FOXN3: variants seen among roughly 807,000 people sequenced by gnomAD.
The protein encoded by FOXN3 is forkhead box N3.
In FOXN3, 7 loss-of-function variants were observed where a neutral mutation model predicts 38.4. The ratio of observed to expected loss-of-function variants is 0.18; its 90% CI spans 0.10 to 0.34. The LOEUF (loss-of-function observed/expected upper bound fraction) is 0.34. FOXN3 is among the 10% of genes least tolerant of loss of function. The probability of loss-of-function intolerance (pLI) is 1.00; values close to 1 mark genes in which losing one functional copy is unlikely to be tolerated. For synonymous variants in FOXN3, 230 were observed against 242.2 expected, an observed-to-expected ratio of 0.95 and a Z score of 0.47; for missense variants, 456 against 613.4, an observed-to-expected ratio of 0.74 and a Z score of 2.71.
chr14:89,193,245 C>G (rs922484738), intron 4 of FOXN3, among the ~76,000 whole-genome samples: 1 of 148,918 alleles, frequency 6.7e-6, no homozygotes, highest in Non-Finnish European at 1.5e-5. Flanking sequence ...GGGCCCAGAA[C>G]AAGAAGAAAC....
chr14:89,261,520 GCA>G (rs2139892328), intron 4 of FOXN3, among the ~76,000 whole-genome samples: 1 of 152,280 alleles, frequency 6.6e-6, no homozygotes, highest in South Asian at 2.1e-4. Context: ...AGGGCCGGCG[GCA>G]GTGACTCACG....
intron 4 of FOXN3, among the ~76,000 whole-genome samples, chr14:89,256,444 A>T (rs1885623772): frequency 6.6e-6 from 1 of 152,208 alleles, no homozygotes; most frequent in African/African-American, 2.4e-5. Flanking sequence ...CAAGGCCAGG[A>T]CAAACAGGCT....
At chr14:89,250,563 T>G (rs1273295675) in intron 4 of FOXN3, among the ~76,000 whole-genome samples, 1 of 152,204 alleles carries the variant, frequency 6.6e-6, no homozygotes, top group East Asian at 1.9e-4. Flanking sequence ...CCAACTCACA[T>G]ATGTTACAGA....
rs78179114 is a variant in FOXN3 at position 89,488,764 on chromosome 14, A to C, written c.-14-76274T>G. Reference sequence around the variant, plus strand: ...GGAAGAACACACACACAAAATTTTAAAGTAGGTACAAGAATCTGGAAGTCA... The same window carrying C: ...GGAAGAACACACACACAAAATTTTACAGTAGGTACAAGAATCTGGAAGTCA... On this transcript the variant is annotated intron_variant, in intron 1 of 6. Coordinates refer to the FOXN3 transcript ENST00000345097. Among the ~76,000 whole-genome samples the C allele has an allele frequency of 4.6e-5, 7 of 152,310 alleles. No homozygotes were observed. The East Asian group carries it at 1.4e-3, about 29-fold the overall frequency.
At chr14:89,575,934 C>T (rs1010416718) in intron 1 of FOXN3, among the ~76,000 whole-genome samples, 1 of 152,156 alleles carries the variant, frequency 6.6e-6, no homozygotes, top group Non-Finnish European at 1.5e-5. Context: ...TATGCCCCAC[C>T]GATAAACTCC....
chr14:89,528,057 T>C (rs1475739449), intron 1 of FOXN3, among the ~76,000 whole-genome samples: 1 of 152,182 alleles, frequency 6.6e-6, no homozygotes, highest in Non-Finnish European at 1.5e-5. Context: ...TCTCATACCC[T>C]GCTGGTAGAA....
At chr14:89,514,924 C>CTT (rs540052278) in intron 1 of FOXN3, among the ~76,000 whole-genome samples, 1 of 145,192 alleles carries the variant, frequency 6.9e-6, no homozygotes, top group Non-Finnish European at 1.5e-5. Flanking sequence ...GCTCCATTTC[C>CTT]TTTTTTTTTT....
At chr14:89,508,927 A>C (rs1335919373) in intron 1 of FOXN3, among the ~76,000 whole-genome samples, 1 of 152,178 alleles carries the variant, frequency 6.6e-6, no homozygotes, top group Non-Finnish European at 1.5e-5. Flanking sequence ...GCATGTGGCA[A>C]AGAATAAAAC....
intron 1 of FOXN3, among the ~76,000 whole-genome samples, chr14:89,592,141 A>C (rs1344956223): frequency 6.6e-6 from 1 of 152,232 alleles, no homozygotes; most frequent in Non-Finnish European, 1.5e-5. Context: ...ATTTGAAATT[A>C]AAGTGATGGA....
At chr14:89,583,383 C>G (rs187301179) in intron 1 of FOXN3, among the ~76,000 whole-genome samples, 1 of 152,266 alleles carries the variant, frequency 6.6e-6, no homozygotes, top group East Asian at 1.9e-4. Context: ...TAGGTTCTCT[C>G]TCTCCTGCTC....
At chr14:89,197,845 C>T (rs896494892) in intron 4 of FOXN3, among the ~76,000 whole-genome samples, 3 of 152,194 alleles carry the variant, frequency 2.0e-5, no homozygotes, top group Admixed American at 2.0e-4. Context: ...GAACGGCTGT[C>T]GCAGTAAATG....
chr14:89,511,189 C>A (rs58120979), intron 1 of FOXN3, among the ~76,000 whole-genome samples: 1 of 14,224 alleles, frequency 7.0e-5, no homozygotes, highest in East Asian at 6.6e-4. Context: ...TTCTTTCTTT[C>A]TTTTCTTTCT....
intron 5 of FOXN3, among the ~76,000 whole-genome samples, chr14:89,168,030 T>C (rs1359809877): frequency 6.6e-6 from 1 of 152,150 alleles, no homozygotes. Context: ...TGAAAGAACA[T>C]ACTTTAAACC....
intron 3 of FOXN3, among the ~76,000 whole-genome samples, chr14:89,283,874 G>T (rs1157538231): frequency 2.6e-5 from 4 of 152,022 alleles, no homozygotes; most frequent in East Asian, 3.9e-4. Context: ...TTTTTGGGGG[G>T]TTTTTTGACA....
chr14:89,284,813 T>G (rs1886569673), intron 3 of FOXN3, among the ~76,000 whole-genome samples: 1 of 152,156 alleles, frequency 6.6e-6, no homozygotes, highest in Non-Finnish European at 1.5e-5. Flanking sequence ...TTGAGAACAT[T>G]GATCCAGCTG....
At chr14:89,478,438 T>C (rs1432929206) in intron 1 of FOXN3, among the ~76,000 whole-genome samples, 2 of 152,252 alleles carry the variant, frequency 1.3e-5, no homozygotes, top group African/African-American at 4.8e-5. Context: ...ATTCATCTTA[T>C]CTTTCAGTAC....
intron 1 of FOXN3, among the ~76,000 whole-genome samples, chr14:89,485,400 T>C (rs1893426590): frequency 1.3e-5 from 2 of 152,296 alleles, no homozygotes; most frequent in Admixed American, 6.5e-5. Flanking sequence ...TCTTAACTTA[T>C]GCTTCCTCCC....
chr14:89,349,005 G>C (rs963785956), intron 3 of FOXN3, among the ~76,000 whole-genome samples: 2 of 152,168 alleles, frequency 1.3e-5, no homozygotes, highest in Non-Finnish European at 2.9e-5. Context: ...TAGAAGCAAA[G>C]GGAGATGAAA....
chr14:89,399,010 G>C (rs1596252120), intron 2 of FOXN3, among the ~76,000 whole-genome samples: 1 of 152,134 alleles, frequency 6.6e-6, no homozygotes, highest in Non-Finnish European at 1.5e-5. Context: ...TCAATAAAAT[G>C]GTCTTCAAAT....
Sources: allele counts gnomAD v4.1 joint callset (sites outside exome capture counted in the v4.1 genomes callset), GRCh38; gene constraint gnomAD v4.1.1; transcripts MANE v1.5; gene names NCBI Gene and HGNC (gene_info 2026-07-23, HGNC 2026-07-21).